Variants in PPA1 observed in about 807,000 individuals in gnomAD.
The protein encoded by PPA1 is inorganic pyrophosphatase 1.
In PPA1, 23 loss-of-function variants were observed where a neutral mutation model predicts 41.8. The observed-to-expected ratio is 0.55, with a 90% CI of 0.40 to 0.78. PPA1 has a LOEUF of 0.78. Among genes scored for constraint, PPA1 ranks in the 30% least tolerant of loss-of-function variants. PPA1 has a pLI of 0.00. For synonymous variants in PPA1, 101 were observed against 116.8 expected (o/e 0.86, Z 0.87); for missense variants, 320 against 361.6 (o/e 0.89, Z 0.93).
At chr10:70,209,342 A>G (rs1464036966) in intron 7 of PPA1, 52 bp from the exon 8 acceptor site, 7 of 1,425,606 alleles carry the variant, frequency 4.9e-6, no homozygotes, top group Middle Eastern at 2.5e-4. Context: ...TTATTTTCCT[A>G]TTATCAACAT....
At chr10:70,212,399 G>A (rs1218745892) in intron 6 of PPA1, among the ~76,000 whole-genome samples, 1 of 152,160 alleles carries the variant, frequency 6.6e-6, no homozygotes, top group Non-Finnish European at 1.5e-5. Flanking sequence ...GAATGTTCAT[G>A]GCAGCATTAC....
At chr10:70,220,812 T>TA in intron 2 of PPA1, among the ~76,000 whole-genome samples, 4 of 3,304 alleles carry the variant, frequency 1.2e-3, no homozygotes, top group African/African-American at 6.1e-3. Context: ...ATATATAATT[T>TA]TTATATATAT....
At chr10:70,213,342 CT>C in intron 6 of PPA1, 120 bp downstream of exon 6, 1 of 1,199,518 alleles carries the variant, frequency 8.3e-7, no homozygotes, top group Non-Finnish European at 1.2e-6. Flanking sequence ...TTGTCCAGTG[CT>C]TTGTTCCTCC....
At position 70,214,581 on chromosome 10, in the gene PPA1, C is replaced by T. The variant is rs1185211200; in HGVS notation, c.303G>A (p.Trp101Ter). 8 of 1,611,806 alleles carry T rather than the reference C, an allele frequency of 5.0e-6. No homozygotes were observed. Among genetic ancestry groups the T allele is most frequent in the Non-Finnish European group, 6.8e-6 (8 of 1,178,210 alleles). ...GTTTATCATTGTGCCCTGGGTCTTC[C>T]CAAGTCTAAAAATATAAGACAGTGT... is the stretch of plus-strand genomic sequence containing the variant. ...IWNYGAIPQT[W>*]EDPGHNDKHT... The change falls in exon 5 of 11, where the codon TGG (tryptophan) becomes TGA (stop). Residue 101 changes from tryptophan (W) to a stop codon, truncating the protein, a stop_gained. Transcript: ENST00000373232. LOFTEE classifies it high-confidence loss of function.
At chr10:70,231,285 G>A (rs1326714015) in intron 1 of PPA1, among the ~76,000 whole-genome samples, 1 of 152,148 alleles carries the variant, frequency 6.6e-6, no homozygotes, top group Non-Finnish European at 1.5e-5. Context: ...TCAAAGTGGA[G>A]GCCAGGCACG....
intron 8 of PPA1, 61 bp from the exon 9 acceptor site, chr10:70,206,394 A>C: frequency 1.6e-6 from 2 of 1,275,194 alleles, no homozygotes; most frequent in Non-Finnish European, 2.3e-6. Context: ...CTTAAGAGTT[A>C]AAAAATGAGT....
intron 2 of PPA1, among the ~76,000 whole-genome samples, chr10:70,227,937 A>C (rs1840250080): frequency 1.3e-5 from 2 of 152,206 alleles, no homozygotes; most frequent in African/African-American, 4.8e-5. Flanking sequence ...ACTCTAATGA[A>C]TCAAGTTAAT....
chr10:70,207,723 T>C (rs1053568679), intron 8 of PPA1, among the ~76,000 whole-genome samples: 6 of 152,210 alleles, frequency 3.9e-5, no homozygotes, highest in Admixed American at 2.0e-4. Flanking sequence ...TTAAAAATCG[T>C]AAGACAAGTC....
rs7077538 is a variant in PPA1, at chr10:70,233,338, T to G, written c.-11A>C. Reference sequence around the variant, plus strand: ...GCTGAAGCCGCTCATAGTGCCGGAGTCCTGCCGCCGCCGCTGCCACAGAGC... The same window carrying G: ...GCTGAAGCCGCTCATAGTGCCGGAGGCCTGCCGCCGCCGCTGCCACAGAGC... On this transcript the variant is annotated 5_prime_UTR_variant, in exon 1 of 11. Coordinates refer to ENST00000373232, the MANE Select transcript of PPA1 (RefSeq NM_021129.4). 0.3 allele frequency: 460,911 copies of G among 1,534,116 alleles called. 73,794 individuals carry two copies. The highest frequency in any genetic ancestry group is 0.33 in the Non-Finnish European group (373,095 of 1,142,432).
Position 70,217,814 on chromosome 10 carries a change from G to A in PPA1, c.295C>T (p.Gln99Ter), listed in dbSNP as rs772482919. The part of the protein sequence containing the change: ...GYIWNYGAIP[Q>*]TWEDPGHNDK... ...TCAGCAGTTGCATGAAGACATACCT[G>A]AGGGATGGCACCATAGTTCCAGATA... The change falls in exon 4 of 11, where the codon CAG (glutamine) becomes TAG (stop). Residue 99 changes from glutamine (Q) to a stop codon, truncating the protein, a stop_gained and splice_region_variant. Coordinates refer to ENST00000373232, the MANE Select transcript of PPA1 (RefSeq NM_021129.4). LOFTEE classifies it high-confidence loss of function. 1.9e-6 allele frequency: 3 copies of A among 1,561,248 alleles called. No homozygotes were observed. Among genetic ancestry groups the A allele is most frequent in the Non-Finnish European group, 2.6e-6 (3 of 1,149,598 alleles).
intron 3 of PPA1, 48 bp downstream of exon 3, chr10:70,218,716 T>A: frequency 6.8e-7 from 1 of 1,462,176 alleles, no homozygotes; most frequent in Non-Finnish European, 9.6e-7. Context: ...TGTGACTAGA[T>A]CAAAACCAAT....
rs1328652378 is a variant in PPA1, at chr10:70,214,055, T to C, written c.384+445A>G. Among the ~76,000 whole-genome samples the C allele has an allele frequency of 4.6e-5, 7 of 152,340 alleles. No individual in the cohort carries two copies. In the East Asian group the frequency reaches 1.3e-3, roughly 29 times the overall value. On this transcript the variant is annotated intron_variant, in intron 5 of 10. Coordinates refer to ENST00000373232, the MANE Select transcript of PPA1 (RefSeq NM_021129.4). ...CCTGAGAGAGACATAAAGAAATAAC[T>C]ATAATCAGAATCTTAGAACAACCCT... is the stretch of plus-strand genomic sequence containing the variant.
intron 4 of PPA1, among the ~76,000 whole-genome samples, chr10:70,214,947 C>A (rs1050398118): frequency 2.6e-5 from 4 of 152,130 alleles, no homozygotes; most frequent in African/African-American, 9.7e-5. Context: ...GTAATTCCAG[C>A]ACTTTGGGAG....
At chr10:70,223,962 GCT>G (rs1358621783) in intron 2 of PPA1, among the ~76,000 whole-genome samples, 1 of 152,224 alleles carries the variant, frequency 6.6e-6, no homozygotes, top group East Asian at 1.9e-4. Flanking sequence ...AGAGCTCTCA[GCT>G]CTCTGTTAAC....
intron 2 of PPA1, among the ~76,000 whole-genome samples, chr10:70,223,929 G>A (rs1041026634): frequency 2.0e-5 from 3 of 152,120 alleles, no homozygotes; most frequent in Middle Eastern, 6.3e-3. Flanking sequence ...ATGCTTTGGA[G>A]TCTCAGTCAT....
intron 4 of PPA1, among the ~76,000 whole-genome samples, chr10:70,217,107 G>C (rs976842045): frequency 6.6e-6 from 1 of 151,226 alleles, no homozygotes; most frequent in East Asian, 2.0e-4. Context: ...GCAGTGAGCC[G>C]AGATCACGCC....
intron 6 of PPA1, among the ~76,000 whole-genome samples, chr10:70,212,447 T>C (rs1436143343): frequency 2.6e-5 from 4 of 152,212 alleles, no homozygotes; most frequent in Non-Finnish European, 5.9e-5. Flanking sequence ...AACTGATGAA[T>C]GGATAAACAA....
Position 70,214,597 on chromosome 10 carries a change from A to G in PPA1, c.298-11T>C. ...TGGGTCTTCCCAAGTCTAAAAATATAAGACAGTGTATATCATTCCTATACA... is the reference window on the plus strand; with the variant it reads ...TGGGTCTTCCCAAGTCTAAAAATATGAGACAGTGTATATCATTCCTATACA... On this transcript the variant is annotated splice_polypyrimidine_tract_variant and intron_variant, in intron 4 of 10. Coordinates refer to ENST00000373232, the MANE Select transcript of PPA1 (RefSeq NM_021129.4). The G allele has an allele frequency of 6.3e-7, 1 of 1,598,098 alleles. No homozygotes were observed. Among genetic ancestry groups the G allele is most frequent in the Non-Finnish European group, 8.6e-7 (1 of 1,165,790 alleles).
intron 9 of PPA1, 123 bp from the exon 10 acceptor site, chr10:70,205,038 T>C (rs903359835): frequency 5.9e-6 from 4 of 674,238 alleles, no homozygotes; most frequent in Non-Finnish European, 1.0e-5. Context: ...TAAACGTAAT[T>C]TATAATATAT....
Sources: gnomAD v4.1 joint callset for allele counts (sites outside exome capture counted in the v4.1 genomes callset) on GRCh38, gnomAD v4.1.1 for gene constraint, MANE v1.5 for transcripts, NCBI Gene and HGNC (gene_info 2026-07-23, HGNC 2026-07-21) for gene names.